CNTLN: variants seen among roughly 807,000 people sequenced by gnomAD.
CNTLN encodes the protein centlein, centrosomal protein.
A neutral mutation model predicts 180.0 loss-of-function variants in CNTLN; 212 were observed. That is an observed-to-expected ratio of 1.18 (90% CI 1.05 to 1.32). CNTLN has a LOEUF of 1.32. Among genes scored for constraint, CNTLN ranks in the 40% most tolerant of loss-of-function variants. The pLI, the probability that CNTLN is intolerant of heterozygous loss-of-function variation, is 0.00. For missense variants in CNTLN, 2,095 were observed against 1,610.9 expected, an observed-to-expected ratio of 1.30 and a Z score of -5.14; for synonymous variants, 722 against 563.1, an observed-to-expected ratio of 1.28 and a Z score of -3.99.
At chr9:17,518,934 TG>T in the CNTLN span, among the ~76,000 whole-genome samples, 1 of 152,110 alleles carries the variant, frequency 6.6e-6, no homozygotes, top group African/African-American at 2.4e-5. Context: ...GAGACTTGTT[TG>T]TTTAGTTTTT....
At chr9:17,364,005 A>G (rs1410320449) in intron 12 of CNTLN, among the ~76,000 whole-genome samples, 1 of 152,036 alleles carries the variant, frequency 6.6e-6, no homozygotes, top group East Asian at 1.9e-4. Context: ...TAGTTGTTAG[A>G]AGTGTTTTCT....
intron 7 of CNTLN, among the ~76,000 whole-genome samples, chr9:17,304,016 C>T (rs1246566227): frequency 1.3e-5 from 2 of 152,132 alleles, no homozygotes; most frequent in African/African-American, 2.4e-5. Flanking sequence ...CTTGCCCTTA[C>T]ATTACCCATT....
rs150970211 is a variant in CNTLN, at chr9:17,197,243, C to T, written c.450-28960C>T. ...TTCATATATTGACTGTTCTAATTTA[C>T]GTGTTCACCAACAGTATACAAGAGT... On this transcript the variant is annotated intron_variant, in intron 2 of 25. Coordinates refer to ENST00000380647, the MANE Select transcript of CNTLN (RefSeq NM_017738.4). Among the ~76,000 whole-genome samples the T allele has an allele frequency of 1.1e-3, 160 of 152,242 alleles. No homozygotes were observed. The East Asian group carries it at 0.012, about 11-fold the overall frequency.
chr9:17,401,879 A>G (rs1024129854), intron 15 of CNTLN, among the ~76,000 whole-genome samples: 1 of 151,142 alleles, frequency 6.6e-6, no homozygotes, highest in East Asian at 1.9e-4. Flanking sequence ...CAAATGACTA[A>G]CCAGAAAAAG....
intron 2 of CNTLN, among the ~76,000 whole-genome samples, chr9:17,192,401 G>C (rs1821847089): frequency 6.6e-6 from 1 of 151,964 alleles, no homozygotes; most frequent in African/African-American, 2.4e-5. Flanking sequence ...ACCGTGCCCG[G>C]CTAATTTTTG....
chr9:17,514,582 T>C, the CNTLN span, among the ~76,000 whole-genome samples: 1 of 152,284 alleles, frequency 6.6e-6, no homozygotes, highest in East Asian at 1.9e-4. Context: ...AATCAATATT[T>C]ACTAATAAAA....
intron 1 of CNTLN, among the ~76,000 whole-genome samples, chr9:17,141,759 T>C (rs1428195731): frequency 1.3e-5 from 2 of 152,070 alleles, no homozygotes; most frequent in African/African-American, 4.8e-5. Flanking sequence ...GGTTTATTGA[T>C]GATTTGGATA....
At chr9:17,525,507 G>T in the CNTLN span, among the ~76,000 whole-genome samples, 2 of 152,132 alleles carry the variant, frequency 1.3e-5, no homozygotes, top group African/African-American at 4.8e-5. Flanking sequence ...ATTTTGATTT[G>T]TTCAAGACCA....
chr9:17,377,039 T>G (rs1824834359), intron 13 of CNTLN, among the ~76,000 whole-genome samples: 1 of 152,160 alleles, frequency 6.6e-6, no homozygotes, highest in Non-Finnish European at 1.5e-5. Flanking sequence ...GTAAAAGTTT[T>G]TTGTTTCCTC....
In CNTLN at chr9:17,272,112, C is replaced by CCCTT. The variant is rs558535356; in HGVS notation, c.850-1612_850-1609dup. Among the ~76,000 whole-genome samples, 1,308 of 142,776 alleles carry CCCTT rather than the reference C, an allele frequency of 9.2e-3. 27 individuals carry two copies. Among genetic ancestry groups the CCCTT allele is most frequent in the African/African-American group, 0.031 (1,213 of 38,902 alleles). The allele number at this position is 142,776 out of a possible 152,430, so 93.7% of individuals were successfully genotyped here. A position where few individuals can be genotyped will look rare whatever the true frequency, so the allele number is the denominator to read the frequency against. On this transcript the variant is annotated intron_variant, in intron 5 of 25. Coordinates refer to ENST00000380647, the MANE Select transcript of CNTLN (RefSeq NM_017738.4). The stretch of plus-strand genomic sequence containing the variant: ...CCTTTCTTTCCCTCCCTCCCTCCCT[C>CCCTT]CCTTCCTTCCTTTCTTTCCTTTGGT...
intron 2 of CNTLN, among the ~76,000 whole-genome samples, chr9:17,145,406 T>C (rs1763458885): frequency 6.6e-6 from 1 of 152,186 alleles, no homozygotes; most frequent in South Asian, 2.1e-4. Context: ...GAAAATGATA[T>C]GCTGAATATT....
At chr9:17,370,755 T>A (rs569801660) in intron 13 of CNTLN, among the ~76,000 whole-genome samples, 1 of 152,142 alleles carries the variant, frequency 6.6e-6, no homozygotes, top group Non-Finnish European at 1.5e-5. Context: ...TTTCAAGACA[T>A]AGTATAATAA....
At chr9:17,295,274 C>T (rs1407938600) in intron 6 of CNTLN, among the ~76,000 whole-genome samples, 13 of 152,176 alleles carry the variant, frequency 8.5e-5, no homozygotes, top group Admixed American at 8.5e-4. Flanking sequence ...GAAGGGGACT[C>T]CCAAGGTGCA....
chr9:17,430,699 C>T (rs370699006), intron 18 of CNTLN, among the ~76,000 whole-genome samples: 36 of 152,176 alleles, frequency 2.4e-4, no homozygotes, highest in African/African-American at 6.5e-4. Context: ...CTCTTCACCC[C>T]GACGCCTGCC....
At chr9:17,510,147 G>C in the CNTLN span, among the ~76,000 whole-genome samples, 32 of 152,210 alleles carry the variant, frequency 2.1e-4, 1 homozygote, top group African/African-American at 5.8e-4. Flanking sequence ...TAATGGCCCA[G>C]ACACTTCAGG....
In CNTLN at chr9:17,151,928, A is replaced by G. The variant is rs559315714; in HGVS notation, c.449+8552A>G. On this transcript the variant is annotated intron_variant, in intron 2 of 25. Coordinates refer to ENST00000380647, the MANE Select transcript of CNTLN (RefSeq NM_017738.4). ...CCAGGAATTTATCCATTTTTTCTAG[A>G]TTTTCTAGTTTATTTGCGTAGAGGT... 9.2e-4 allele frequency among the ~76,000 whole-genome samples: 140 copies of G among 151,710 alleles called. 1 individual carries two copies. In the South Asian group the frequency reaches 0.017, roughly 18 times the overall value.
chr9:17,404,395 G>A (rs1406437841), intron 15 of CNTLN, among the ~76,000 whole-genome samples: 2 of 151,720 alleles, frequency 1.3e-5, no homozygotes, highest in Non-Finnish European at 2.9e-5. Context: ...TGGGCTAGGG[G>A]ATTTGAGAGT....
chr9:17,294,999 G>C (rs917103004), intron 6 of CNTLN, among the ~76,000 whole-genome samples: 2 of 151,556 alleles, frequency 1.3e-5, no homozygotes, highest in Admixed American at 1.3e-4. Flanking sequence ...GCTAAGGCCC[G>C]GTGAGAAATT....
intron 6 of CNTLN, among the ~76,000 whole-genome samples, chr9:17,290,384 G>C (rs1176720974): frequency 6.7e-6 from 1 of 149,250 alleles, no homozygotes; most frequent in Non-Finnish European, 1.5e-5. Flanking sequence ...CTCCAGCTGC[G>C]TGCTGGGAGA....
Sources: allele counts gnomAD v4.1 joint callset (sites outside exome capture counted in the v4.1 genomes callset), GRCh38; gene constraint gnomAD v4.1.1; transcripts MANE v1.5; gene names NCBI Gene and HGNC (gene_info 2026-07-23, HGNC 2026-07-21).